Variants in SINHCAF observed in about 807,000 individuals in gnomAD.
The protein encoded by SINHCAF is SIN3-HDAC complex-associated factor.
SINHCAF carries 3 observed loss-of-function variants against 25.8 expected under a neutral mutation model. The observed-to-expected ratio is 0.12, with a 90% confidence interval of 0.05 to 0.30. The LOEUF (loss-of-function observed/expected upper bound fraction) is 0.30. Ranked by LOEUF, SINHCAF falls within the 10% of genes least tolerant of loss-of-function variation. SINHCAF has a pLI of 1.00. For synonymous variants in SINHCAF, 70 were observed against 85.5 expected, an observed-to-expected ratio of 0.82 and a Z score of 1.00; for missense variants, 121 against 262.3, an observed-to-expected ratio of 0.46 and a Z score of 3.72.
chr12:31,312,594 T>C (rs1939315301), intron 1 of SINHCAF, among the ~76,000 whole-genome samples: 1 of 152,248 alleles, frequency 6.6e-6, no homozygotes, highest in Non-Finnish European at 1.5e-5. Flanking sequence ...AGCATTTCCC[T>C]GATTCCAAAT....
At chr12:31,320,503 G>C (rs1939656661) in intron 1 of SINHCAF, among the ~76,000 whole-genome samples, 1 of 152,094 alleles carries the variant, frequency 6.6e-6, no homozygotes, top group Admixed American at 6.6e-5. Flanking sequence ...ACTAAGTCTT[G>C]TATTACAACC....
chr12:31,318,815 A>G (rs1201392535), intron 1 of SINHCAF, among the ~76,000 whole-genome samples: 2 of 152,234 alleles, frequency 1.3e-5, no homozygotes, highest in Admixed American at 1.3e-4. Context: ...GCAATGAGTC[A>G]ATTTGGAGTA....
intron 5 of SINHCAF, among the ~76,000 whole-genome samples, 161 bp from the exon 6 acceptor site, chr12:31,283,032 A>ACCG (rs1937871997): frequency 6.6e-6 from 1 of 152,200 alleles, no homozygotes; most frequent in African/African-American, 2.4e-5. Flanking sequence ...AACCCCAATT[A>ACCG]GCTAGAGAAG....
At chr12:31,295,888 A>C (rs1938528071) in intron 2 of SINHCAF, among the ~76,000 whole-genome samples, 1 of 150,542 alleles carries the variant, frequency 6.6e-6, no homozygotes, top group Non-Finnish European at 1.5e-5. Flanking sequence ...AAAAAAATTA[A>C]ATAATTAAAT....
chr12:31,314,482 C>T (rs1262045439), intron 1 of SINHCAF, among the ~76,000 whole-genome samples: 1 of 151,676 alleles, frequency 6.6e-6, no homozygotes. Flanking sequence ...GCCGAGATCG[C>T]GCCATTGCAC....
At chr12:31,294,998 G>A (rs557980736) in intron 3 of SINHCAF, among the ~76,000 whole-genome samples, 7 of 152,284 alleles carry the variant, frequency 4.6e-5, no homozygotes, top group Non-Finnish European at 7.3e-5. Context: ...AATGCTTACT[G>A]TGAATCTCCA....
chr12:31,296,412 C>A (rs768704847), intron 2 of SINHCAF, among the ~76,000 whole-genome samples: 1 of 152,028 alleles, frequency 6.6e-6, no homozygotes. Flanking sequence ...CTGATCTGTC[C>A]GCCTTGGCCT....
intron 1 of SINHCAF, among the ~76,000 whole-genome samples, chr12:31,307,531 G>T (rs1052091292): frequency 4.6e-5 from 7 of 151,978 alleles, no homozygotes; most frequent in Non-Finnish European, 1.0e-4. Context: ...GTCCAGCCTG[G>T]GTGACAGAGC....
At chr12:31,321,984 C>A (rs1354910835) in intron 1 of SINHCAF, among the ~76,000 whole-genome samples, 1 of 150,852 alleles carries the variant, frequency 6.6e-6, no homozygotes, top group Non-Finnish European at 1.5e-5. Context: ...TTGATAACCA[C>A]TCTGGGGGAA....
chr12:31,310,958 C>G (rs1451045918), intron 1 of SINHCAF, among the ~76,000 whole-genome samples: 4 of 151,664 alleles, frequency 2.6e-5, no homozygotes, highest in African/African-American at 9.7e-5. Flanking sequence ...CAACCTCCGC[C>G]TCTGAGGTTC....
chr12:31,323,228 T>TA (rs1939775401), intron 1 of SINHCAF, among the ~76,000 whole-genome samples: 1 of 152,182 alleles, frequency 6.6e-6, no homozygotes, highest in African/African-American at 2.4e-5. Flanking sequence ...ATAAATACTT[T>TA]AAATGCCATG....
chr12:31,303,625 T>A (rs1938897565), intron 1 of SINHCAF: 1 of 152,200 alleles, frequency 6.6e-6, no homozygotes, highest in African/African-American at 2.4e-5. Context: ...ATTCTGGTTT[T>A]AGCAATAGAC....
At chr12:31,301,766 A>C (rs537672322) in intron 1 of SINHCAF, among the ~76,000 whole-genome samples, 13 of 152,272 alleles carry the variant, frequency 8.5e-5, no homozygotes, top group African/African-American at 2.9e-4. Context: ...CAAAAAAAAA[A>C]CACTACTTAA....
intron 4 of SINHCAF, among the ~76,000 whole-genome samples, chr12:31,290,878 C>T (rs1260105445): frequency 1.3e-5 from 2 of 152,150 alleles, no homozygotes; most frequent in Admixed American, 1.3e-4. Flanking sequence ...CACCACCACG[C>T]CCAGCTAATA....
intron 1 of SINHCAF, among the ~76,000 whole-genome samples, chr12:31,308,452 T>C (rs555649475): frequency 6.6e-6 from 1 of 152,340 alleles, no homozygotes; most frequent in South Asian, 2.1e-4. Context: ...CCTTTGATTC[T>C]ATCAGGATTG....
intron 5 of SINHCAF, among the ~76,000 whole-genome samples, chr12:31,285,209 G>A (rs1937987464): frequency 2.0e-5 from 3 of 152,070 alleles, no homozygotes; most frequent in Admixed American, 6.6e-5. Context: ...CCAGCATGGT[G>A]AAACCCAATC....
intron 1 of SINHCAF, chr12:31,304,210 C>T (rs1486151981): frequency 6.6e-6 from 1 of 151,600 alleles, no homozygotes; most frequent in African/African-American, 2.4e-5. Flanking sequence ...GTGGGTGTGG[C>T]CCAATGCCAC....
chr12:31,298,073 T>C lies in SINHCAF; in HGVS notation c.128+4A>G. 1 of 1,613,590 alleles carries C rather than the reference T, an allele frequency of 6.2e-7. No homozygotes were observed. Among genetic ancestry groups the C allele is most frequent in the Non-Finnish European group, 8.5e-7 (1 of 1,179,826 alleles). ...AGAATAGTACAAACATCAGGTGATC[T>C]TACCCAAAACAGCTCTGGAAGTCCT... On this transcript the variant is annotated splice_donor_region_variant and intron_variant, in intron 2 of 5. Transcript: ENST00000337682.
At chr12:31,322,083 AG>A (rs1939716458) in intron 1 of SINHCAF, among the ~76,000 whole-genome samples, 1 of 152,192 alleles carries the variant, frequency 6.6e-6, no homozygotes, top group Non-Finnish European at 1.5e-5. Context: ...GCTGTCCACC[AG>A]TGATCTAGAA....
Sources: gnomAD v4.1 joint callset for allele counts (sites outside exome capture counted in the v4.1 genomes callset) on GRCh38, gnomAD v4.1.1 for gene constraint, MANE v1.5 for transcripts, NCBI Gene and HGNC (gene_info 2026-07-23, HGNC 2026-07-21) for gene names.